The following DPH5 variants were observed in gnomAD, a reference collection of about 807,000 sequenced individuals.
DPH5 encodes the protein diphthine methyl ester synthase.
In DPH5, 31 loss-of-function variants were observed where a neutral mutation model predicts 31.6. The ratio of observed to expected loss-of-function variants is 0.98; its 90% CI spans 0.74 to 1.32. DPH5 has a LOEUF of 1.32. Among genes scored for constraint, DPH5 ranks in the 40% most tolerant of loss-of-function variants. DPH5 has a pLI of 0.00. For synonymous variants in DPH5, 120 were observed against 115.0 expected, an observed-to-expected ratio of 1.04 and a Z score of -0.28; for missense variants, 309 against 335.7, an observed-to-expected ratio of 0.92 and a Z score of 0.62.
intron 3 of DPH5, among the ~76,000 whole-genome samples, chr1:101,014,332 C>T (rs1328724669): frequency 6.6e-6 from 1 of 152,178 alleles, no homozygotes; most frequent in Non-Finnish European, 1.5e-5. Flanking sequence ...AAGATAACCA[C>T]AATAATGTGA....
intron 3 of DPH5, among the ~76,000 whole-genome samples, chr1:101,017,489 C>T (rs1276165453): frequency 2.0e-5 from 3 of 152,122 alleles, no homozygotes; most frequent in African/African-American, 4.8e-5. Context: ...TAAAGAGAGA[C>T]TATAGATAAA....
chr1:101,014,772 A>C (rs923735554), intron 3 of DPH5, among the ~76,000 whole-genome samples: 2 of 152,172 alleles, frequency 1.3e-5, no homozygotes, highest in Non-Finnish European at 2.9e-5. Context: ...CCTGCTAGTA[A>C]TCTATCAACT....
In DPH5 at chr1:101,000,517, A is replaced by G. The variant is rs185975947; in HGVS notation, c.490+950T>C. On this transcript the variant is annotated intron_variant, in intron 5 of 7. Coordinates refer to ENST00000370109, the MANE Select transcript of DPH5 (RefSeq NM_015958.3). Reference sequence around the variant, plus strand: ...AATAGTCTGAGAAGTACTGCTCTATATAACTCCATGAAGTAGGAGGAATTA... The same window carrying G: ...AATAGTCTGAGAAGTACTGCTCTATGTAACTCCATGAAGTAGGAGGAATTA... Among the ~76,000 whole-genome samples, 181 of 152,350 alleles carry G rather than the reference A, an allele frequency of 1.2e-3. 1 individual carries two copies. The highest frequency in any genetic ancestry group is 4.2e-3 in the African/African-American group (176 of 41,588).
At chr1:101,002,132 A>G (rs1461791917) in intron 4 of DPH5, among the ~76,000 whole-genome samples, 1 of 152,150 alleles carries the variant, frequency 6.6e-6, no homozygotes, top group Non-Finnish European at 1.5e-5. Context: ...TTCCAAACCT[A>G]TAGTCCCTTA....
chr1:101,017,207 A>C (rs992543277), intron 3 of DPH5, among the ~76,000 whole-genome samples: 1 of 152,218 alleles, frequency 6.6e-6, no homozygotes, highest in African/African-American at 2.4e-5. Context: ...TAAAAAATGC[A>C]ATGTATGTGA....
chr1:101,002,455 A>G (rs1346469218), intron 4 of DPH5, among the ~76,000 whole-genome samples: 1 of 152,240 alleles, frequency 6.6e-6, no homozygotes, highest in Non-Finnish European at 1.5e-5. Context: ...TGTGAGGATC[A>G]TATTACATGT....
At chr1:101,021,544 G>A (rs1418326991) in intron 3 of DPH5, 97 bp downstream of exon 3, 2 of 1,248,290 alleles carry the variant, frequency 1.6e-6, no homozygotes, top group African/African-American at 1.5e-5. Context: ...TCCTTATCAG[G>A]ACCTGGCAGG....
At chr1:101,008,499 GT>G (rs1406788850) in intron 4 of DPH5, among the ~76,000 whole-genome samples, 1 of 152,224 alleles carries the variant, frequency 6.6e-6, no homozygotes, top group Non-Finnish European at 1.5e-5. Context: ...TTAAGTTGAA[GT>G]TCAATTCTAA....
At position 100,990,333 on chromosome 1, in the gene DPH5, G is replaced by T; in HGVS notation, c.*75C>A. On this transcript the variant is annotated 3_prime_UTR_variant, in exon 8 of 8. Transcript: ENST00000370109. ...AGGATTAAAATTCAAGATGAGACTT[G>T]GGTGGGGATACATCCAAACCATATC... is the stretch of plus-strand genomic sequence containing the variant. The T allele has an allele frequency of 7.5e-7, 1 of 1,339,080 alleles. No homozygotes were observed. The highest frequency in any genetic ancestry group is 1.1e-6 in the Non-Finnish European group (1 of 943,786). 82.9% of individuals were successfully genotyped at this position (1,339,080 alleles called of 1,614,324 possible).
intron 3 of DPH5, among the ~76,000 whole-genome samples, chr1:101,020,025 C>T (rs1254854354): frequency 6.6e-6 from 1 of 152,132 alleles, no homozygotes; most frequent in Admixed American, 6.5e-5. Flanking sequence ...TTGGTTTTAG[C>T]ATAGCGGTTA....
chr1:100,993,419 G>A (rs1393170613), intron 6 of DPH5, among the ~76,000 whole-genome samples: 2 of 151,138 alleles, frequency 1.3e-5, no homozygotes, highest in Admixed American at 6.6e-5. Flanking sequence ...TGGCTTGGTG[G>A]CGCACGCCTG....
intron 3 of DPH5, among the ~76,000 whole-genome samples, chr1:101,021,412 G>C (rs1660429131): frequency 6.6e-6 from 1 of 152,106 alleles, no homozygotes; most frequent in Admixed American, 6.5e-5. Context: ...CTTTAGAGTT[G>C]ACACTTGATA....
chr1:101,004,787 G>A (rs1229333233), intron 4 of DPH5, among the ~76,000 whole-genome samples: 1 of 152,202 alleles, frequency 6.6e-6, no homozygotes. Context: ...GACCTTGAAA[G>A]ACAGTTAAGA....
At chr1:101,010,413 T>C (rs1200822832) in intron 4 of DPH5, among the ~76,000 whole-genome samples, 3 of 152,172 alleles carry the variant, frequency 2.0e-5, no homozygotes, top group Non-Finnish European at 4.4e-5. Flanking sequence ...TACAACAATT[T>C]TTACCATCAT....
At chr1:101,001,823 A>G (rs1658888040) in intron 4 of DPH5, among the ~76,000 whole-genome samples, 1 of 152,130 alleles carries the variant, frequency 6.6e-6, no homozygotes, top group Admixed American at 6.5e-5. Context: ...GTATTTCTGC[A>G]TTCTGTATAG....
chr1:101,009,484 GCTCTCTACATCTCCCCA>G (rs2101224624), intron 4 of DPH5, among the ~76,000 whole-genome samples: 1 of 152,214 alleles, frequency 6.6e-6, no homozygotes, highest in South Asian at 2.1e-4. Flanking sequence ...GGCAGAAATG[GCTCTCTACATCTCCCCA>G]AATCTCAATT....
intron 4 of DPH5, among the ~76,000 whole-genome samples, chr1:101,008,016 CTA>C (rs906281155): frequency 5.3e-5 from 8 of 152,206 alleles, no homozygotes; most frequent in African/African-American, 1.9e-4. Context: ...GTGTTTATAA[CTA>C]TTATTTTAAT....
intron 5 of DPH5, 151 bp downstream of exon 5, chr1:101,001,316 G>A: frequency 1.5e-6 from 1 of 659,798 alleles, no homozygotes. Context: ...GTCTCTCTAA[G>A]AGCATGGGAA....
At chr1:101,005,581 C>T (rs1570674626) in intron 4 of DPH5, among the ~76,000 whole-genome samples, 1 of 152,276 alleles carries the variant, frequency 6.6e-6, no homozygotes, top group East Asian at 1.9e-4. Context: ...TTTATTCTCA[C>T]ACATAAATGA....
Sources: allele counts gnomAD v4.1 joint callset (sites outside exome capture counted in the v4.1 genomes callset), GRCh38; gene constraint gnomAD v4.1.1; transcripts MANE v1.5; gene names NCBI Gene and HGNC (gene_info 2026-07-23, HGNC 2026-07-21).